The following IGHMBP2 variants were observed in gnomAD, a reference collection of about 807,000 sequenced individuals.
IGHMBP2 encodes the protein DNA-binding protein SMUBP-2.
A neutral mutation model predicts 96.0 loss-of-function variants in IGHMBP2; 81 were observed. That is an observed-to-expected ratio of 0.84 (90% confidence interval 0.71 to 1.01). The LOEUF (loss-of-function observed/expected upper bound fraction) is 1.01, where lower values mean the gene tolerates loss of function less well. IGHMBP2 is among the 50% of genes least tolerant of loss of function. IGHMBP2 has a pLI of 0.00. For missense variants in IGHMBP2, 1,227 were observed against 1,306.3 expected, an observed-to-expected ratio of 0.94 and a Z score of 0.94; for synonymous variants, 557 against 548.9, an observed-to-expected ratio of 1.01 and a Z score of -0.21.
At chr11:68,934,138 T>C in intron 10 of IGHMBP2, 1 of 616,392 alleles carries the variant, frequency 1.6e-6, no homozygotes, top group Non-Finnish European at 2.9e-6. Flanking sequence ...TACGGCCTTC[T>C]CCTGAATGGT....
At chr11:68,923,811 A>T (rs573785744) in intron 7 of IGHMBP2, among the ~76,000 whole-genome samples, 1 of 152,252 alleles carries the variant, frequency 6.6e-6, no homozygotes, top group Admixed American at 6.5e-5. Context: ...AGCATGTGCT[A>T]ATCACAATAC....
In IGHMBP2 at chr11:68,936,355, C is replaced by A; in HGVS notation, c.1875C>A (p.Thr625=). ...RTVNNHAFLK[T]LVEYFTQHGE... is the part of the protein sequence containing the mutation. ...TCAACAACCATGCATTTTTGAAGAC[C>A]CTGGTGGAGTATTTCACACAGCATG... The change falls in exon 13 of 15, where the codon ACC becomes ACA. Residue 625 remains threonine, a synonymous_variant. Transcript: ENST00000255078. The A allele has an allele frequency of 6.2e-7, 1 of 1,614,180 alleles. No individual in the cohort carries two copies. Among genetic ancestry groups the A allele is most frequent in the South Asian group, 1.1e-5 (1 of 91,082 alleles).
intron 6 of IGHMBP2, 67 bp from the exon 7 acceptor site, chr11:68,917,669 A>G (rs1248401105): frequency 2.3e-6 from 3 of 1,282,306 alleles, no homozygotes; most frequent in East Asian, 4.6e-5. Context: ...GAAGCACTTC[A>G]TAAATAGAGT....
intron 7 of IGHMBP2, among the ~76,000 whole-genome samples, chr11:68,922,031 G>A (rs1262826551): frequency 6.6e-6 from 1 of 152,076 alleles, no homozygotes; most frequent in Non-Finnish European, 1.5e-5. Flanking sequence ...TCTTCTGTCT[G>A]CATTTAAGAT....
intron 7 of IGHMBP2, among the ~76,000 whole-genome samples, chr11:68,923,961 G>A (rs1417130503): frequency 6.6e-6 from 1 of 152,102 alleles, no homozygotes; most frequent in Non-Finnish European, 1.5e-5. Flanking sequence ...AGCCTTCTAG[G>A]TTCTACCTGG....
chr11:68,917,840 C>G lies in IGHMBP2; in HGVS notation c.1017C>G (p.Leu339=), dbSNP rs757319859. ...AGGAGAGGGAAGAAGCAGCTATGCT[C>G]GAGAGCCTCACTTCGGCAAACGTGG... is the stretch of plus-strand genomic sequence containing the variant. The part of the protein sequence containing the change: ...ELKEREEAAM[L]ESLTSANVVL... The change falls in exon 7 of 15, where the codon CTC becomes CTG. Residue 339 remains leucine, a synonymous_variant. Transcript: ENST00000255078. 5.6e-6 allele frequency: 9 copies of G among 1,613,994 alleles called. No individual in the cohort carries two copies. Among genetic ancestry groups the G allele is most frequent in the South Asian group, 5.5e-5 (5 of 91,092 alleles).
intron 6 of IGHMBP2, among the ~76,000 whole-genome samples, chr11:68,917,420 C>T (rs931267721): frequency 1.3e-5 from 2 of 152,164 alleles, no homozygotes; most frequent in African/African-American, 2.4e-5. Flanking sequence ...AATCCTGGGG[C>T]GGGCAAGCGC....
At chr11:68,911,974 G>C (rs929107241) in intron 5 of IGHMBP2, among the ~76,000 whole-genome samples, 1 of 152,248 alleles carries the variant, frequency 6.6e-6, no homozygotes. Flanking sequence ...GTCTGTGCCC[G>C]TCAGGAGCTC....
chr11:68,937,961 A>G (rs532008122), intron 13 of IGHMBP2: 2 of 585,984 alleles, frequency 3.4e-6, no homozygotes, highest in Admixed American at 5.6e-5. Flanking sequence ...CTGCTTTTTA[A>G]TTTTTTTTAG....
At chr11:68,928,853 A>G (rs1859167272) in intron 7 of IGHMBP2, among the ~76,000 whole-genome samples, 1 of 150,068 alleles carries the variant, frequency 6.7e-6, no homozygotes, top group African/African-American at 2.5e-5. Context: ...ATTAGGTTCT[A>G]AATTTAGAAA....
chr11:68,908,605 C>G lies in IGHMBP2; in HGVS notation c.521C>G (p.Ser174Cys), dbSNP rs2154006732. Reference sequence around the variant, plus strand: ...CTCATAGAAGTGCTCTTTGGCAGATCTGCTCCCAGTCCTGCCAGTGAAATA... The same window carrying G: ...CTCATAGAAGTGCTCTTTGGCAGATGTGCTCCCAGTCCTGCCAGTGAAATA... Reference protein sequence around the residue: ...SSLIEVLFGRSAPSPASEIHP... With the variant: ...SSLIEVLFGRCAPSPASEIHP... The change falls in exon 4 of 15, where the codon TCT (serine) becomes TGT (cysteine). Residue 174 changes from serine to cysteine, a missense_variant. Transcript: ENST00000255078. 2.5e-6 allele frequency: 4 copies of G among 1,613,416 alleles called. No individual in the cohort carries two copies. Among genetic ancestry groups the G allele is most frequent in the Middle Eastern group, 1.7e-4 (1 of 6,058 alleles).
At position 68,935,246 on chromosome 11, in the gene IGHMBP2, T is replaced by G. The variant is rs1859478573; in HGVS notation, c.1633-53T>G. 1.9e-6 allele frequency: 3 copies of G among 1,609,772 alleles called. No individual in the cohort carries two copies. In the African/African-American group the frequency reaches 4.0e-5, roughly 22 times the overall value. On this transcript the variant is annotated intron_variant, in intron 11 of 14. Coordinates refer to ENST00000255078, the MANE Select transcript of IGHMBP2 (RefSeq NM_002180.3). ...CTCTGCTGAGCTGAAGGGCAGGGTC[T>G]TGCTGCGCTGGCATGGGTGGGTGAG...
At chr11:68,937,673 C>T (rs556380964) in intron 13 of IGHMBP2, 3 of 227,310 alleles carry the variant, frequency 1.3e-5, no homozygotes, top group East Asian at 1.1e-4. Context: ...GCTGGCAGAG[C>T]GTGTAGCGGT....
chr11:68,903,918 A>C lies in IGHMBP2; in HGVS notation c.-35A>C. 1 of 1,600,314 alleles carries C rather than the reference A, an allele frequency of 6.2e-7. No homozygotes were observed. Among genetic ancestry groups the C allele is most frequent in the Non-Finnish European group, 8.5e-7 (1 of 1,173,014 alleles). ...AACACCGGCCCGGCGCAGAAGCGGG[A>C]CGTCGGCTTCTAGGGGCCCAGGCCG... On this transcript the variant is annotated 5_prime_UTR_variant, in exon 1 of 15. Coordinates refer to ENST00000255078, the MANE Select transcript of IGHMBP2 (RefSeq NM_002180.3).
At position 68,933,238 on chromosome 11, in the gene IGHMBP2, G is replaced by C; in HGVS notation, c.1236-61G>C. ...GGGGCCTGTCCTCCTCACTTGCTGT[G>C]GTTCACACCTGGACTCTGGGGCTCA... On this transcript the variant is annotated intron_variant, in intron 8 of 14. Transcript: ENST00000255078. The C allele has an allele frequency of 9.9e-6, 15 of 1,521,920 alleles. No individual in the cohort carries two copies. The South Asian group carries it at 1.8e-4, about 18-fold the overall frequency. The allele number at this position is 1,521,920 out of a possible 1,614,324, so 94.3% of individuals were successfully genotyped here. A position where few individuals can be genotyped will look rare whatever the true frequency, so the allele number is the denominator to read the frequency against.
intron 7 of IGHMBP2, among the ~76,000 whole-genome samples, chr11:68,924,223 A>G (rs1858981382): frequency 2.0e-5 from 3 of 152,180 alleles, no homozygotes; most frequent in Admixed American, 2.0e-4. Flanking sequence ...GAGGACGCAC[A>G]TTCTCTCTTG....
rs547418982 is a variant in IGHMBP2, at chr11:68,911,675, C to T, written c.711+72C>T. 4.2e-5 allele frequency: 61 copies of T among 1,436,154 alleles called. 1 individual carries two copies. The highest frequency in any genetic ancestry group is 4.3e-4 in the Middle Eastern group (2 of 4,622). The allele number at this position is 1,436,154 out of a possible 1,614,324, so 89.0% of individuals were successfully genotyped here. Reference sequence around the variant, plus strand: ...TCTGTTGTGTTCAGTGGGTGCTCAGCGACCTTTCAGCCTCAGTTCTGGTGG... The same window carrying T: ...TCTGTTGTGTTCAGTGGGTGCTCAGTGACCTTTCAGCCTCAGTTCTGGTGG... On this transcript the variant is annotated intron_variant, in intron 5 of 14. Coordinates refer to ENST00000255078, the MANE Select transcript of IGHMBP2 (RefSeq NM_002180.3).
chr11:68,919,247 TC>T (rs1858789885), intron 7 of IGHMBP2, among the ~76,000 whole-genome samples: 1 of 142,624 alleles, frequency 7.0e-6, no homozygotes, highest in Non-Finnish European at 1.5e-5. Flanking sequence ...TCCTCTCCTC[TC>T]CTCTCTTCTT....
chr11:68,911,440 A>G lies in IGHMBP2; in HGVS notation c.548A>G (p.His183Arg). ...RSAPSPASEI[H>R]PLTFFNTCLD... ...CCTCACGCTGCTGCTTCTTCCACAG[A>G]CCCGCTGACATTCTTCAACACCTGC... Residue 183 changes from histidine (H) to arginine (R), a missense_variant and splice_region_variant, in exon 5 of 15, where the codon CAC becomes CGC. His to Arg is a conservative substitution (Grantham distance 29). Transcript: ENST00000255078. 6.2e-7 allele frequency: 1 copy of G among 1,613,610 alleles called. No individual in the cohort carries two copies. The highest frequency in any genetic ancestry group is 2.2e-5 in the East Asian group (1 of 44,880).
Sources: gnomAD v4.1 joint callset for allele counts (sites outside exome capture counted in the v4.1 genomes callset) on GRCh38, gnomAD v4.1.1 for gene constraint, MANE v1.5 for transcripts, NCBI Gene and HGNC (gene_info 2026-07-23, HGNC 2026-07-21) for gene names.